The following LYSMD2 variants were observed in gnomAD, a reference collection of about 807,000 sequenced individuals.
The protein encoded by LYSMD2 is lysM and putative peptidoglycan-binding domain-containing protein 2.
LYSMD2 carries 6 observed loss-of-function variants against 17.7 expected under a neutral mutation model. The ratio of observed to expected loss-of-function variants is 0.34; its 90% CI spans 0.19 to 0.67. LYSMD2 has a LOEUF of 0.67. Among genes scored for constraint, LYSMD2 ranks in the 30% least tolerant of loss-of-function variants. The pLI, the probability that LYSMD2 is intolerant of heterozygous loss-of-function variation, is 0.69. For missense variants in LYSMD2, 237 were observed against 286.7 expected, an observed-to-expected ratio of 0.83 and a Z score of 1.25; for synonymous variants, 102 against 129.8, an observed-to-expected ratio of 0.79 and a Z score of 1.45.
At chr15:51,742,137 C>T (rs2055646095), upstream of LYSMD2, among the ~76,000 whole-genome samples, 1 of 151,822 alleles carries the variant, frequency 6.6e-6, no homozygotes, top group Non-Finnish European at 1.5e-5. Context: ...TGGGTTCAAT[C>T]GATTTTCATG....
intron 1 of LYSMD2, among the ~76,000 whole-genome samples, chr15:51,744,868 T>C (rs2055659552): frequency 6.6e-6 from 1 of 151,930 alleles, no homozygotes; most frequent in Non-Finnish European, 1.5e-5. Context: ...GACAAACCTT[T>C]ACCTAGTCTG....
At chr15:51,748,236 C>G (rs2055677963) in intron 1 of LYSMD2, among the ~76,000 whole-genome samples, 1 of 136,174 alleles carries the variant, frequency 7.3e-6, no homozygotes, top group East Asian at 2.2e-4. Flanking sequence ...GCACTCCAGC[C>G]TGGTGACAGA....
In LYSMD2 at chr15:51,737,262, T is replaced by TG; in HGVS notation, c.273+87_273+88insC. ...CCATCCCCCAAACCCCCACCCGCAG[T>TG]CCCACCCCCACCCCCACCGCACCCC... On this transcript the variant is annotated intron_variant, in intron 1 of 2. Coordinates refer to ENST00000267838, the MANE Select transcript of LYSMD2 (RefSeq NM_153374.3). The surrounding 1 kb of genome is among the most constrained non-coding windows in gnomAD (Gnocchi z 4.2). 7 of 134,034 alleles carry TG rather than the reference T, an allele frequency of 5.2e-5. No individual in the cohort carries two copies. Among genetic ancestry groups the TG allele is most frequent in the South Asian group, 2.2e-4 (1 of 4,576 alleles). The allele number at this position is 134,034 out of a possible 1,614,324, so 8.3% of individuals were successfully genotyped here.
chr15:51,723,471 A>T lies in LYSMD2; in HGVS notation c.*136T>A. 1 of 721,684 alleles carries T rather than the reference A, an allele frequency of 1.4e-6. No homozygotes were observed. Among genetic ancestry groups the T allele is most frequent in the Non-Finnish European group, 2.5e-6 (1 of 402,232 alleles). The allele number at this position is 721,684 out of a possible 1,614,324, so 44.7% of individuals were successfully genotyped here. A position where few individuals can be genotyped will look rare whatever the true frequency, so the allele number is the denominator to read the frequency against. ...CTAATCACTTCAGTGCAACTGCAGC[A>T]GGTAGAACTACCTAGTTATGATTTT... On this transcript the variant is annotated 3_prime_UTR_variant, in exon 3 of 3. Transcript: ENST00000267838.
At chr15:51,747,180 A>G (rs2141604327) in intron 1 of LYSMD2, among the ~76,000 whole-genome samples, 1 of 151,448 alleles carries the variant, frequency 6.6e-6, no homozygotes, top group South Asian at 2.1e-4. Context: ...AGCCTGGGTA[A>G]CAGAGTAAGA....
At chr15:51,747,042 AT>A (rs1447849601) in intron 1 of LYSMD2, among the ~76,000 whole-genome samples, 31 of 148,200 alleles carry the variant, frequency 2.1e-4, no homozygotes, top group Non-Finnish European at 2.7e-4. Context: ...AAAAAAAAAA[AT>A]ACGAAAATTA....
intron 1 of LYSMD2, among the ~76,000 whole-genome samples, chr15:51,736,777 C>G (rs1291187556): frequency 6.6e-6 from 1 of 152,192 alleles, no homozygotes; most frequent in Non-Finnish European, 1.5e-5. Flanking sequence ...TTGGCTGCTG[C>G]TTAGCGACAG....
At chr15:51,723,735 T>C in intron 2 of LYSMD2, 86 bp from the exon 3 acceptor site, 1 of 997,480 alleles carries the variant, frequency 1.0e-6, no homozygotes, top group Non-Finnish European at 1.5e-6. Context: ...AATATCCACT[T>C]GCCAAAGAAG....
chr15:51,750,844 C>A (rs74015729), intron 1 of LYSMD2, among the ~76,000 whole-genome samples: 1,555 of 152,294 alleles, frequency 0.01, 26 homozygotes, highest in African/African-American at 0.036. Flanking sequence ...CAACGACTAA[C>A]AAACCCAGTG....
chr15:51,749,745 C>CTA (rs2055687380), intron 1 of LYSMD2, among the ~76,000 whole-genome samples: 1 of 152,316 alleles, frequency 6.6e-6, no homozygotes, highest in Middle Eastern at 3.4e-3. Context: ...TAACAGAAGG[C>CTA]TATGACTGTA....
chr15:51,748,471 T>G (rs2055680156), intron 1 of LYSMD2, among the ~76,000 whole-genome samples: 1 of 152,168 alleles, frequency 6.6e-6, no homozygotes, highest in Non-Finnish European at 1.5e-5. Context: ...GAAGCAGTCT[T>G]TCAGTCCATC....
intron 1 of LYSMD2, among the ~76,000 whole-genome samples, chr15:51,747,720 T>C (rs1370260899): frequency 6.6e-6 from 1 of 152,244 alleles, no homozygotes; most frequent in Admixed American, 6.5e-5. Flanking sequence ...GTTTGTCATG[T>C]AGAGCTTCCT....
Position 51,737,625 on chromosome 15 carries a change from G to C in LYSMD2, c.-3C>G, listed in dbSNP as rs944328669. On this transcript the variant is annotated 5_prime_UTR_variant, in exon 1 of 3. Coordinates refer to ENST00000267838, the MANE Select transcript of LYSMD2 (RefSeq NM_153374.3). The surrounding 1 kb of genome is among the most constrained non-coding windows in gnomAD (Gnocchi z 4.2). ...AGTGCGGGCGAGGAATCCGCCATGG[G>C]TCCTGCCGAGGCCGCCGGGTCGGGG... 1 of 1,206,502 alleles carries C rather than the reference G, an allele frequency of 8.3e-7. No individual in the cohort carries two copies. The highest frequency in any genetic ancestry group is 4.4e-5 in the Admixed American group (1 of 22,766). The allele number at this position is 1,206,502 out of a possible 1,614,324, so 74.7% of individuals were successfully genotyped here. A position where few individuals can be genotyped will look rare whatever the true frequency, so the allele number is the denominator to read the frequency against.
upstream of LYSMD2, among the ~76,000 whole-genome samples, chr15:51,741,318 T>C (rs1276507203): frequency 6.6e-6 from 1 of 152,228 alleles, no homozygotes; most frequent in African/African-American, 2.4e-5. Context: ...TGAGAAAAGA[T>C]GAAATTAGAT....
rs148817002 is a variant in LYSMD2, at chr15:51,744,475, T to A, written c.-1+6796A>T. On this transcript the variant is annotated intron_variant, in intron 1 of 2. Transcript: ENST00000454181. The stretch of plus-strand genomic sequence containing the variant: ...AATTTTTTTGAATGTTGAACCAGCC[T>A]TGTTTACCTGGAATTAATCCTACTT... Among the ~76,000 whole-genome samples the A allele has an allele frequency of 6.2e-4, 94 of 152,308 alleles. 1 individual carries two copies. In the East Asian group the frequency reaches 0.015, roughly 24 times the overall value.
At chr15:51,733,535 T>C (rs2055589804) in intron 1 of LYSMD2, among the ~76,000 whole-genome samples, 1 of 151,608 alleles carries the variant, frequency 6.6e-6, no homozygotes, top group African/African-American at 2.4e-5. Context: ...CAATTTGACA[T>C]AGAGTGTGCA....
At chr15:51,751,171 C>T in intron 1 of LYSMD2, 1 of 673,470 alleles carries the variant, frequency 1.5e-6, no homozygotes, top group Non-Finnish European at 2.7e-6. Context: ...CTAACTTCCA[C>T]CTCGCTTACC....
At chr15:51,737,869 G>C, upstream of LYSMD2, 1 of 275,560 alleles carries the variant, frequency 3.6e-6, no homozygotes, top group Non-Finnish European at 6.7e-6. The surrounding 1 kb of genome is among the most constrained non-coding windows in gnomAD (Gnocchi z 4.2). Context: ...AGCAGCTCCC[G>C]CCGCGGCCTG....
At chr15:51,734,705 C>G (rs899158990) in intron 1 of LYSMD2, among the ~76,000 whole-genome samples, 2 of 152,186 alleles carry the variant, frequency 1.3e-5, no homozygotes, top group African/African-American at 4.8e-5. Context: ...TCTAAGCCTC[C>G]AATATCTCAT....
Sources: gnomAD v4.1 joint callset for allele counts (sites outside exome capture counted in the v4.1 genomes callset) on GRCh38, gnomAD v4.1.1 for gene constraint, Gnocchi (gnomAD v3.1) non-coding constraint, MANE v1.5 for transcripts, NCBI Gene and HGNC (gene_info 2026-07-23, HGNC 2026-07-21) for gene names.